SV2C: variants seen among roughly 807,000 people sequenced by gnomAD.
SV2C encodes the protein synaptic vesicle glycoprotein 2C, also known as solute carrier family 22 member B3.
In SV2C, 49 loss-of-function variants were observed where a neutral mutation model predicts 79.7. The observed-to-expected ratio is 0.61, with a 90% CI of 0.49 to 0.78. The LOEUF is 0.78. SV2C is among the 30% of genes least tolerant of loss of function. The probability of loss-of-function intolerance (pLI) is 0.00; values close to 1 mark genes in which losing one functional copy is unlikely to be tolerated. For synonymous variants in SV2C, 334 were observed against 333.2 expected, an observed-to-expected ratio of 1.00 and a Z score of -0.03; for missense variants, 833 against 912.9, an observed-to-expected ratio of 0.91 and a Z score of 1.13.
the SV2C span, among the ~76,000 whole-genome samples, chr5:76,022,810 A>T: frequency 1.3e-5 from 2 of 152,208 alleles, no homozygotes; most frequent in African/African-American, 4.8e-5. Context: ...TGCTTCTGCT[A>T]CATCAGCATC....
chr5:76,134,865 G>A (rs200987476), intron 2 of SV2C, among the ~76,000 whole-genome samples: 1 of 152,102 alleles, frequency 6.6e-6, no homozygotes, highest in East Asian at 1.9e-4. Flanking sequence ...CACTTACTGT[G>A]TGTAAAGCAC....
At chr5:75,993,901 A>G in the SV2C span, among the ~76,000 whole-genome samples, 2,389 of 152,198 alleles carry the variant, frequency 0.016, 66 homozygotes, top group African/African-American at 0.052. Flanking sequence ...ATAGCCAGAA[A>G]TTGATGTGCT....
At chr5:76,001,885 T>C in the SV2C span, among the ~76,000 whole-genome samples, 1 of 152,152 alleles carries the variant, frequency 6.6e-6, no homozygotes, top group East Asian at 1.9e-4. Context: ...TCTGAGATTT[T>C]GGTACACCCG....
the SV2C span, among the ~76,000 whole-genome samples, chr5:75,889,813 A>T: frequency 6.6e-6 from 1 of 152,044 alleles, no homozygotes; most frequent in Non-Finnish European, 1.5e-5. Context: ...TAAAACAGAA[A>T]AGGAAAGGAA....
chr5:76,250,832 G>C (rs149249009), intron 4 of SV2C, among the ~76,000 whole-genome samples: 2 of 151,266 alleles, frequency 1.3e-5, no homozygotes, highest in Admixed American at 6.6e-5. Flanking sequence ...CTCAATGGAC[G>C]TTTTTTTTTC....
rs576063401 is a variant in SV2C, at chr5:76,115,902, C to G, written c.-101-15748C>G. On this transcript the variant is annotated intron_variant, in intron 1 of 12. Coordinates refer to ENST00000502798, the MANE Select transcript of SV2C (RefSeq NM_014979.4). ...CTGCTCAGCCACTTGGCCTCATTGC[C>G]ATTCTCTGCCTGAGCCCCTTTACTC... Among the ~76,000 whole-genome samples the G allele has an allele frequency of 3.9e-4, 60 of 152,342 alleles. 2 individuals carry two copies. The South Asian group carries it at 0.012, about 31-fold the overall frequency.
At chr5:76,303,780 C>G (rs246813) in intron 12 of SV2C, among the ~76,000 whole-genome samples, 2 of 152,078 alleles carry the variant, frequency 1.3e-5, no homozygotes, top group African/African-American at 4.8e-5. Flanking sequence ...TAATTCAGGT[C>G]CTCCATGAAG....
rs892573927 is a variant in SV2C at position 76,333,921 on chromosome 5, G to A, written c.*8374G>A. 1.7e-5 allele frequency: 1 copy of A among 59,312 alleles called. No individual in the cohort carries two copies. The highest frequency in any genetic ancestry group is 3.9e-5 in the Non-Finnish European group (1 of 25,780). The allele number at this position is 59,312 out of a possible 1,614,324, so 3.7% of individuals were successfully genotyped here. A position where few individuals can be genotyped will look rare whatever the true frequency, so the allele number is the denominator to read the frequency against. ...TTTAGTGTATATCAGATTAATAAAA[G>A]AGCATTTTTTTTTTGCTCCATTATA... is the stretch of plus-strand genomic sequence containing the variant. On this transcript the variant is annotated 3_prime_UTR_variant, in exon 13 of 13. Coordinates refer to ENST00000502798, the MANE Select transcript of SV2C (RefSeq NM_014979.4).
chr5:75,895,939 A>T, the SV2C span, among the ~76,000 whole-genome samples: 4 of 152,168 alleles, frequency 2.6e-5, no homozygotes, highest in Non-Finnish European at 5.9e-5. Flanking sequence ...TCTTATAAAG[A>T]TAGAACTGTT....
At chr5:75,873,815 C>A in the SV2C span, among the ~76,000 whole-genome samples, 2 of 151,994 alleles carry the variant, frequency 1.3e-5, no homozygotes, top group African/African-American at 4.8e-5. Flanking sequence ...AAGAGACGGA[C>A]AAATTCCTGG....
At chr5:76,092,098 T>C (rs574668882) in intron 1 of SV2C, among the ~76,000 whole-genome samples, 2 of 152,322 alleles carry the variant, frequency 1.3e-5, no homozygotes, top group South Asian at 2.1e-4. Context: ...AGAACCGATA[T>C]AGTATGATTC....
intron 4 of SV2C, among the ~76,000 whole-genome samples, chr5:76,218,001 G>A (rs1265691444): frequency 6.6e-6 from 1 of 152,208 alleles, no homozygotes; most frequent in East Asian, 1.9e-4. Context: ...GATTCTGCGG[G>A]TTATATGGGC....
At chr5:75,860,575 G>A in the SV2C span, among the ~76,000 whole-genome samples, 6 of 152,162 alleles carry the variant, frequency 3.9e-5, no homozygotes, top group African/African-American at 1.2e-4. Flanking sequence ...TTTCACAGAA[G>A]TAGAAAAAAG....
the SV2C span, among the ~76,000 whole-genome samples, chr5:76,062,297 T>C: frequency 4.5e-4 from 69 of 152,224 alleles, no homozygotes; most frequent in African/African-American, 1.6e-3. Flanking sequence ...GTAGAGCCCT[T>C]GTGAATGGGA....
intron 4 of SV2C, among the ~76,000 whole-genome samples, chr5:76,227,321 G>A (rs1745281193): frequency 6.6e-6 from 1 of 152,118 alleles, no homozygotes; most frequent in Admixed American, 6.5e-5. Flanking sequence ...TCCAAGCCAG[G>A]GTATGGTTTC....
At chr5:75,959,286 G>C in the SV2C span, among the ~76,000 whole-genome samples, 2 of 152,020 alleles carry the variant, frequency 1.3e-5, no homozygotes, top group African/African-American at 4.8e-5. Flanking sequence ...CTCTTTGCAT[G>C]CTGCCTGCAT....
At chr5:75,967,171 CA>C in the SV2C span, among the ~76,000 whole-genome samples, 1 of 151,850 alleles carries the variant, frequency 6.6e-6, no homozygotes, top group African/African-American at 2.4e-5. Flanking sequence ...CTATCTCTAC[CA>C]AAAAAACTTT....
At chr5:76,176,484 T>A (rs1358615684) in intron 2 of SV2C, among the ~76,000 whole-genome samples, 3 of 152,194 alleles carry the variant, frequency 2.0e-5, no homozygotes, top group Admixed American at 2.0e-4. Context: ...CCTTGCATCA[T>A]GATCAATTCT....
At chr5:76,223,477 ATATATATATATATATATATG>A (rs1274460483) in intron 4 of SV2C, among the ~76,000 whole-genome samples, 1,662 of 70,124 alleles carry the variant, frequency 0.024, 50 homozygotes, top group African/African-American at 0.051. Flanking sequence ...ATATATATAT[ATATATATATATATATATATG>A]TATATGTATA....
Sources: gnomAD v4.1 joint callset for allele counts (sites outside exome capture counted in the v4.1 genomes callset) on GRCh38, gnomAD v4.1.1 for gene constraint, MANE v1.5 for transcripts, NCBI Gene and HGNC (gene_info 2026-07-23, HGNC 2026-07-21) for gene names.